LTBP1: variants seen among roughly 807,000 people sequenced by gnomAD.
The protein encoded by LTBP1 is latent-transforming growth factor beta-binding protein 1.
In LTBP1, 129 loss-of-function variants were observed where a neutral mutation model predicts 207.6. That is an observed-to-expected ratio of 0.62 (90% CI 0.54 to 0.72). LTBP1 has a LOEUF of 0.72. Ranked by LOEUF, LTBP1 falls within the 30% of genes least tolerant of loss-of-function variation. The pLI is 0.00. For synonymous variants in LTBP1, 963 were observed against 833.7 expected (o/e 1.16, Z -2.67); for missense variants, 2,281 against 2,217.2 (o/e 1.03, Z -0.58).
intron 22 of LTBP1, among the ~76,000 whole-genome samples, chr2:33,306,889 A>T (rs958379295): frequency 9.9e-5 from 15 of 152,124 alleles, no homozygotes; most frequent in African/African-American, 3.6e-4. Context: ...AGGGATCGAG[A>T]CCGTCTTGGC....
chr2:33,361,465 T>G lies in LTBP1; in HGVS notation c.4220T>G (p.Phe1407Cys). ...GAAATGTGTCCCAAAGGGAAAGGTT[T>G]TGTGCCTGCTGGAGAATCATCTTCT... is the stretch of plus-strand genomic sequence containing the variant. Reference protein sequence around the residue: ...FTEMCPKGKGFVPAGESSSEA... With the variant: ...FTEMCPKGKGCVPAGESSSEA... Residue 1407 changes from phenylalanine to cysteine, a missense_variant, in exon 28 of 34, where the codon TTT becomes TGT. Transcript: ENST00000404816. 5.6e-6 allele frequency: 9 copies of G among 1,613,508 alleles called. No individual in the cohort carries two copies. Among genetic ancestry groups the G allele is most frequent in the Non-Finnish European group, 7.6e-6 (9 of 1,179,698 alleles).
chr2:33,319,955 A>G (rs2094329856), intron 24 of LTBP1, among the ~76,000 whole-genome samples: 1 of 152,218 alleles, frequency 6.6e-6, no homozygotes, highest in African/African-American at 2.4e-5. Flanking sequence ...ACAGATATTT[A>G]TTAAGTGTCT....
intron 3 of LTBP1, among the ~76,000 whole-genome samples, chr2:33,050,850 C>G (rs12465820): frequency 0.08 from 12,161 of 151,756 alleles, 605 homozygotes; most frequent in Non-Finnish European, 0.1. Flanking sequence ...TCTCCTGCCT[C>G]AGCCTCCTGA....
At chr2:33,359,336 A>C (rs1024974603) in intron 26 of LTBP1, among the ~76,000 whole-genome samples, 1 of 152,242 alleles carries the variant, frequency 6.6e-6, no homozygotes, top group Non-Finnish European at 1.5e-5. Flanking sequence ...TTATGAGTTT[A>C]TATTTTAGAA....
intron 20 of LTBP1, among the ~76,000 whole-genome samples, chr2:33,295,078 T>C (rs1234104118): frequency 6.6e-6 from 1 of 152,042 alleles, no homozygotes; most frequent in East Asian, 1.9e-4. Flanking sequence ...TTTTTTTATA[T>C]GTTCATTCCC....
intron 2 of LTBP1, among the ~76,000 whole-genome samples, chr2:33,004,191 C>A (rs1686441364): frequency 1.3e-5 from 2 of 151,824 alleles, no homozygotes; most frequent in Non-Finnish European, 2.9e-5. Flanking sequence ...TCCAACTTCA[C>A]TGGGCTGTTT....
At chr2:33,329,099 G>C (rs1471466047) in intron 24 of LTBP1, among the ~76,000 whole-genome samples, 4 of 152,168 alleles carry the variant, frequency 2.6e-5, no homozygotes, top group Non-Finnish European at 5.9e-5. Flanking sequence ...TATATAGCCA[G>C]TTTTTCAGAG....
At chr2:33,279,549 A>G (rs963580479) in intron 18 of LTBP1, among the ~76,000 whole-genome samples, 2 of 151,674 alleles carry the variant, frequency 1.3e-5, no homozygotes, top group Admixed American at 1.3e-4. Flanking sequence ...TTCCTGTCAT[A>G]TGAAAGGTTT....
At chr2:33,027,277 A>G (rs1233497025) in intron 3 of LTBP1, among the ~76,000 whole-genome samples, 2 of 152,232 alleles carry the variant, frequency 1.3e-5, no homozygotes, top group African/African-American at 4.8e-5. Context: ...ATTTTCAAAT[A>G]TGTACACATT....
In LTBP1 at chr2:33,399,092, C is replaced by G. The variant is rs763944501; in HGVS notation, c.*547C>G. 2.0e-5 allele frequency: 3 copies of G among 152,626 alleles called. No individual in the cohort carries two copies. The highest frequency in any genetic ancestry group is 4.4e-5 in the Non-Finnish European group (3 of 68,046). 9.5% of individuals were successfully genotyped at this position (152,626 alleles called of 1,614,324 possible). On this transcript the variant is annotated 3_prime_UTR_variant, in exon 34 of 34. Transcript: ENST00000404816. Reference sequence around the variant, plus strand: ...AATTCAAATTGTCTGTCCTGTGGAGCAGGCAGTGATTTTGTTCCAAAACTT... The same window carrying G: ...AATTCAAATTGTCTGTCCTGTGGAGGAGGCAGTGATTTTGTTCCAAAACTT...
intron 10 of LTBP1, among the ~76,000 whole-genome samples, chr2:33,244,200 C>G (rs1663629092): frequency 6.6e-6 from 1 of 152,092 alleles, no homozygotes; most frequent in South Asian, 2.1e-4. Flanking sequence ...TTTAATTATT[C>G]CAAATTCTGA....
intron 3 of LTBP1, among the ~76,000 whole-genome samples, chr2:33,101,058 C>A (rs143830629): frequency 1.3e-3 from 191 of 152,180 alleles, no homozygotes; most frequent in African/African-American, 3.6e-3. Flanking sequence ...AGAAGAATTG[C>A]CAAATTATAT....
chr2:33,369,205 A>G (rs953692314), intron 31 of LTBP1, among the ~76,000 whole-genome samples: 8 of 152,220 alleles, frequency 5.3e-5, no homozygotes, highest in African/African-American at 1.9e-4. Context: ...ATTTAAAAAA[A>G]AAAGATTAGC....
chr2:33,369,278 A>T (rs2095038385), intron 31 of LTBP1, among the ~76,000 whole-genome samples: 1 of 152,216 alleles, frequency 6.6e-6, no homozygotes, highest in Admixed American at 6.5e-5. Context: ...GTCCAAGAAG[A>T]ATCTCTAGTG....
At chr2:33,107,799 C>T (rs1428932107) in intron 3 of LTBP1, among the ~76,000 whole-genome samples, 2 of 152,112 alleles carry the variant, frequency 1.3e-5, no homozygotes, top group Admixed American at 6.5e-5. Context: ...AACCAGAATC[C>T]CTGCAGTTTG....
chr2:33,341,893 C>T (rs536571764), intron 24 of LTBP1, among the ~76,000 whole-genome samples: 3 of 151,808 alleles, frequency 2.0e-5, no homozygotes, highest in Non-Finnish European at 4.4e-5. Context: ...CATAAAAGTG[C>T]AATCTTCTTC....
At chr2:33,004,814 T>TATATATATATAAAC (rs1178147190) in intron 2 of LTBP1, among the ~76,000 whole-genome samples, 1 of 136,558 alleles carries the variant, frequency 7.3e-6, no homozygotes, top group Non-Finnish European at 1.6e-5. Context: ...TATATATATA[T>TATATATATATAAAC]AAACATAAAA....
At chr2:33,141,537 C>T (rs1454142375) in intron 5 of LTBP1, among the ~76,000 whole-genome samples, 1 of 152,060 alleles carries the variant, frequency 6.6e-6, no homozygotes, top group Admixed American at 6.5e-5. Context: ...CGTATATGAA[C>T]TAATGTCAGG....
intron 7 of LTBP1, 35 bp downstream of exon 7, chr2:33,188,886 C>G: frequency 6.3e-7 from 1 of 1,593,664 alleles, no homozygotes; most frequent in Non-Finnish European, 8.6e-7. Context: ...TTAGCAGTGT[C>G]TTACAGATAT....
Sources: allele counts gnomAD v4.1 joint callset (sites outside exome capture counted in the v4.1 genomes callset), GRCh38; gene constraint gnomAD v4.1.1; transcripts MANE v1.5; gene names NCBI Gene and HGNC (gene_info 2026-07-23, HGNC 2026-07-21).